Variants in OTUD7A observed in about 807,000 individuals in gnomAD.
OTUD7A encodes OTU deubiquitinase 7A.
OTUD7A carries 12 observed loss-of-function variants against 65.7 expected under a neutral mutation model. That is an observed-to-expected ratio of 0.18 (90% confidence interval 0.12 to 0.30). OTUD7A has a LOEUF of 0.30. OTUD7A is among the 10% of genes least tolerant of loss of function. The pLI, the probability that OTUD7A is intolerant of heterozygous loss-of-function variation, is 1.00. For synonymous variants in OTUD7A, 641 were observed against 586.3 expected, an observed-to-expected ratio of 1.09 and a Z score of -1.35; for missense variants, 1,148 against 1,304.8, an observed-to-expected ratio of 0.88 and a Z score of 1.85.
At chr15:31,766,409 T>C (rs1472634124) in intron 1 of OTUD7A, 45 of 1,584,444 alleles carry the variant, frequency 2.8e-5, no homozygotes, top group Non-Finnish European at 3.6e-5. Context: ...CTAAATGAGG[T>C]TGCAGCAAAC....
chr15:31,644,483 C>T (rs2141265504), intron 3 of OTUD7A, among the ~76,000 whole-genome samples: 1 of 152,116 alleles, frequency 6.6e-6, no homozygotes, highest in East Asian at 1.9e-4. Context: ...GATTTATTTA[C>T]TTTTATTTTT....
intron 1 of OTUD7A, chr15:31,767,474 T>C (rs1366812426): frequency 2.6e-6 from 2 of 772,686 alleles, no homozygotes; most frequent in South Asian, 1.3e-5. Flanking sequence ...TCATGGCAGA[T>C]AATACCCAGT....
intron 3 of OTUD7A, among the ~76,000 whole-genome samples, chr15:31,621,421 T>C (rs1890779700): frequency 6.6e-6 from 1 of 152,168 alleles, no homozygotes; most frequent in South Asian, 2.1e-4. Flanking sequence ...TGTAGGTCTC[T>C]AAGGACTTGC....
chr15:31,550,977 G>A (rs1417341119), intron 5 of OTUD7A, among the ~76,000 whole-genome samples: 1 of 152,168 alleles, frequency 6.6e-6, no homozygotes, highest in Non-Finnish European at 1.5e-5. Context: ...ATAACAGTGT[G>A]GCCCAGGCTG....
intron 3 of OTUD7A, among the ~76,000 whole-genome samples, chr15:31,608,368 G>C (rs1010079009): frequency 1.3e-5 from 2 of 152,086 alleles, no homozygotes; most frequent in African/African-American, 4.8e-5. Context: ...GAGCTGACTG[G>C]GCAATCAAGA....
intron 1 of OTUD7A, among the ~76,000 whole-genome samples, chr15:31,658,035 C>T (rs566044348): frequency 1.3e-5 from 2 of 152,238 alleles, no homozygotes; most frequent in South Asian, 4.2e-4. Context: ...GGGGCAGTGC[C>T]GTGTGGGGAC....
chr15:31,629,042 G>T (rs1171273296), intron 3 of OTUD7A, among the ~76,000 whole-genome samples: 1 of 151,936 alleles, frequency 6.6e-6, no homozygotes, highest in Non-Finnish European at 1.5e-5. Context: ...CTGCAAACAG[G>T]GACAATTTGA....
At chr15:31,613,909 G>A (rs1890505269) in intron 3 of OTUD7A, among the ~76,000 whole-genome samples, 1 of 152,108 alleles carries the variant, frequency 6.6e-6, no homozygotes, top group Non-Finnish European at 1.5e-5. Context: ...ATCAATCAAT[G>A]AGTAGATAAA....
intron 1 of OTUD7A, among the ~76,000 whole-genome samples, chr15:31,855,955 G>C (rs868150020): frequency 7.2e-5 from 11 of 152,174 alleles, no homozygotes; most frequent in Non-Finnish European, 1.6e-4. Context: ...TGAGTGGCCG[G>C]GGGACATTAC....
intron 1 of OTUD7A, among the ~76,000 whole-genome samples, chr15:31,857,909 C>T (rs916561047): frequency 1.3e-5 from 2 of 152,076 alleles, no homozygotes; most frequent in African/African-American, 4.8e-5. Context: ...GCAACTTTTC[C>T]AAGAGAAAGA....
At position 31,541,304 on chromosome 15, in the gene OTUD7A, G is replaced by A. The variant is rs188888388; in HGVS notation, c.551-10496C>T. Reference sequence around the variant, plus strand: ...TAGGTGTTAAGCCTAATGAACCAAAGAAAGCAACTTTTAAAAACCAATGAA... The same window carrying A: ...TAGGTGTTAAGCCTAATGAACCAAAAAAAGCAACTTTTAAAAACCAATGAA... On this transcript the variant is annotated intron_variant, in intron 5 of 12. Transcript: ENST00000307050. Among the ~76,000 whole-genome samples, 86 of 152,266 alleles carry A rather than the reference G, an allele frequency of 5.6e-4. 1 individual carries two copies. Among genetic ancestry groups the A allele is most frequent in the Admixed American group, 5.2e-3 (79 of 15,290 alleles).
In OTUD7A at chr15:31,535,797, C is replaced by T. The variant is rs576943488; in HGVS notation, c.551-4989G>A. Among the ~76,000 whole-genome samples the T allele has an allele frequency of 2.0e-5, 3 of 151,790 alleles. No individual in the cohort carries two copies. The South Asian group carries it at 6.3e-4, about 32-fold the overall frequency. On this transcript the variant is annotated intron_variant, in intron 5 of 12. Transcript: ENST00000307050. ...GTTCATGCCATTCTCCTGCTTCAGC[C>T]TCCCGAGTAGCTGGGACTACAGGTG... is the stretch of plus-strand genomic sequence containing the variant.
In OTUD7A at chr15:31,812,319, C is replaced by T. The variant is rs144351815; in HGVS notation, c.-100+58188G>A. Reference sequence around the variant, plus strand: ...CAGACGTGCAGGAATCAGGCAGTTACGGCATCAACTGCCCTTCAGCTACGC... The same window carrying T: ...CAGACGTGCAGGAATCAGGCAGTTATGGCATCAACTGCCCTTCAGCTACGC... On this transcript the variant is annotated intron_variant, in intron 1 of 12. Coordinates refer to ENST00000307050, the MANE Select transcript of OTUD7A (RefSeq NM_001382637.1). Among the ~76,000 whole-genome samples the T allele has an allele frequency of 4.3e-3, 651 of 152,292 alleles. 9 individuals are homozygous for T. The highest frequency in any genetic ancestry group is 0.029 in the Admixed American group (439 of 15,308).
At chr15:31,555,035 AC>A (rs1888445672) in intron 5 of OTUD7A, among the ~76,000 whole-genome samples, 4 of 152,102 alleles carry the variant, frequency 2.6e-5, no homozygotes, top group African/African-American at 9.7e-5. Context: ...TCAGACTGGC[AC>A]CCCACTTGAC....
chr15:31,632,402 C>T (rs4779905), intron 3 of OTUD7A, among the ~76,000 whole-genome samples: 27,105 of 152,164 alleles, frequency 0.18, 2,627 homozygotes, highest in East Asian at 0.25. Context: ...TGCAGAACAG[C>T]GGTGCCTGTA....
intron 3 of OTUD7A, among the ~76,000 whole-genome samples, chr15:31,615,731 T>A (rs1359454052): frequency 1.3e-5 from 2 of 152,210 alleles, no homozygotes; most frequent in Non-Finnish European, 2.9e-5. Context: ...CTGAAATCAT[T>A]CAGACTCTCT....
chr15:31,476,426 A>C lies in OTUD7A; in HGVS notation c.*6868T>G, dbSNP rs987907010. 6.6e-6 allele frequency: 1 copy of C among 152,290 alleles called. No homozygotes were observed. Among genetic ancestry groups the C allele is most frequent in the Non-Finnish European group, 1.5e-5 (1 of 68,096 alleles). The allele number at this position is 152,290 out of a possible 1,614,324, so 9.4% of individuals were successfully genotyped here. On this transcript the variant is annotated 3_prime_UTR_variant, in exon 13 of 13. Transcript: ENST00000307050. Reference sequence around the variant, plus strand: ...GGGAAGAATGTGTGCAAAGAGCTGGACAGCCCATAGGGCCTGGGAGACCTT... The same window carrying C: ...GGGAAGAATGTGTGCAAAGAGCTGGCCAGCCCATAGGGCCTGGGAGACCTT...
intron 1 of OTUD7A, among the ~76,000 whole-genome samples, chr15:31,854,754 G>A (rs1473805729): frequency 6.6e-6 from 1 of 151,944 alleles, no homozygotes; most frequent in Non-Finnish European, 1.5e-5. Context: ...CAGGTTTGGG[G>A]GATTAGGATA....
At chr15:31,723,295 T>A (rs1348470228) in intron 1 of OTUD7A, among the ~76,000 whole-genome samples, 1 of 151,962 alleles carries the variant, frequency 6.6e-6, no homozygotes, top group Non-Finnish European at 1.5e-5. Context: ...CCACACAATC[T>A]GCCCTTGTTT....
Sources: gnomAD v4.1 joint callset for allele counts (sites outside exome capture counted in the v4.1 genomes callset) on GRCh38, gnomAD v4.1.1 for gene constraint, MANE v1.5 for transcripts, NCBI Gene and HGNC (gene_info 2026-07-23, HGNC 2026-07-21) for gene names.